Variants in ZNRF1 observed in about 807,000 individuals in gnomAD.
The protein encoded by ZNRF1 is E3 ubiquitin-protein ligase ZNRF1.
ZNRF1 carries 3 observed loss-of-function variants against 18.4 expected under a neutral mutation model. The observed-to-expected ratio is 0.16, with a 90% CI of 0.07 to 0.42. ZNRF1 has a LOEUF of 0.42. Among genes scored for constraint, ZNRF1 ranks in the 10% least tolerant of loss-of-function variants. The pLI, the probability that ZNRF1 is intolerant of heterozygous loss-of-function variation, is 0.99. For missense variants in ZNRF1, 310 were observed against 329.8 expected, an observed-to-expected ratio of 0.94 and a Z score of 0.47; for synonymous variants, 157 against 144.2, an observed-to-expected ratio of 1.09 and a Z score of -0.64.
chr16:75,011,921 T>G (rs887397115), intron 1 of ZNRF1, among the ~76,000 whole-genome samples: 1 of 152,252 alleles, frequency 6.6e-6, no homozygotes, highest in African/African-American at 2.4e-5. Flanking sequence ...CTGTTCTGTT[T>G]TGCTGTGGCT....
Position 74,999,668 on chromosome 16 carries a change from G to T in ZNRF1, c.-4G>T. ...GTTCCCGCCCCACCGGGGCCCGGGC[G>T]AGCATGGGGGGCAAGCAGAGCACGG... On this transcript the variant is annotated 5_prime_UTR_variant, in exon 1 of 5. Transcript: ENST00000335325. 3.0e-6 allele frequency: 4 copies of T among 1,334,970 alleles called. No individual in the cohort carries two copies. Among genetic ancestry groups the T allele is most frequent in the Non-Finnish European group, 3.8e-6 (4 of 1,049,052 alleles). The allele number at this position is 1,334,970 out of a possible 1,614,324, so 82.7% of individuals were successfully genotyped here. A position where few individuals can be genotyped will look rare whatever the true frequency, so the allele number is the denominator to read the frequency against.
At chr16:75,057,790 A>C (rs1360649377) in intron 1 of ZNRF1, among the ~76,000 whole-genome samples, 3 of 152,126 alleles carry the variant, frequency 2.0e-5, no homozygotes, top group African/African-American at 4.8e-5. Flanking sequence ...ACAGGTGTGC[A>C]CTACCACACC....
intron 1 of ZNRF1, among the ~76,000 whole-genome samples, chr16:75,025,471 G>C (rs1420460240): frequency 6.6e-6 from 1 of 152,036 alleles, no homozygotes; most frequent in Non-Finnish European, 1.5e-5. Context: ...CCAAAATTGT[G>C]CCCCAAAATG....
Position 74,999,302 on chromosome 16 carries a change from CCCCGCGCCCG to C in ZNRF1, c.-364_-355del, listed in dbSNP as rs1182351525. 6.7e-6 allele frequency: 1 copy of C among 150,092 alleles called. No homozygotes were observed. The highest frequency in any genetic ancestry group is 2.4e-5 in the African/African-American group (1 of 41,082). 9.3% of individuals were successfully genotyped at this position (150,092 alleles called of 1,614,324 possible). A position where few individuals can be genotyped will look rare whatever the true frequency, so the allele number is the denominator to read the frequency against. ...GGGCGGGCGGCCTCCTCCGGCGCCT[CCCCGCGCCCG>C]CCCGCCGCTCGCCGCCGCCTCCCTC... On this transcript the variant is annotated 5_prime_UTR_variant, in exon 1 of 5. Coordinates refer to ENST00000335325, the MANE Select transcript of ZNRF1 (RefSeq NM_032268.5).
In ZNRF1 at chr16:75,050,894, A is replaced by C. The variant is rs907402358; in HGVS notation, c.425-42678A>C. On this transcript the variant is annotated intron_variant, in intron 1 of 4. Coordinates refer to ENST00000335325, the MANE Select transcript of ZNRF1 (RefSeq NM_032268.5). ...TCAAAAAAAAAAAAAAAAAACAAAA[A>C]AAAACAAAAAACTTGTAGCCAGGTA... 5.2e-4 allele frequency among the ~76,000 whole-genome samples: 63 copies of C among 120,496 alleles called. 4 individuals are homozygous for C. Among genetic ancestry groups the C allele is most frequent in the African/African-American group, 1.8e-3 (51 of 27,880 alleles). 79.1% of individuals were successfully genotyped at this position (120,496 alleles called of 152,430 possible).
intron 1 of ZNRF1, among the ~76,000 whole-genome samples, chr16:75,020,854 T>C (rs2035137670): frequency 6.6e-6 from 1 of 152,038 alleles, no homozygotes. Flanking sequence ...TTCAGTCTTT[T>C]CTTAGAAAGG....
intron 1 of ZNRF1, among the ~76,000 whole-genome samples, chr16:75,041,008 T>G (rs532209557): frequency 1.3e-5 from 2 of 152,310 alleles, no homozygotes; most frequent in South Asian, 4.1e-4. Flanking sequence ...TTATATGAAT[T>G]TACCACAGTC....
At chr16:75,006,211 G>C (rs987864679) in intron 1 of ZNRF1, among the ~76,000 whole-genome samples, 3 of 152,132 alleles carry the variant, frequency 2.0e-5, no homozygotes, top group African/African-American at 7.2e-5. Context: ...CCTTGGACAA[G>C]GGGTACTGCT....
intron 1 of ZNRF1, among the ~76,000 whole-genome samples, chr16:75,049,366 T>A (rs34038900): frequency 0.38 from 57,743 of 151,854 alleles, 13,179 homozygotes; most frequent in Non-Finnish European, 0.51. Context: ...CTCGCTCTGT[T>A]GCCCAGGCTG....
At position 74,999,569 on chromosome 16, in the gene ZNRF1, T is replaced by A; in HGVS notation, c.-103T>A. 1 of 869,730 alleles carries A rather than the reference T, an allele frequency of 1.1e-6. No individual in the cohort carries two copies. Among genetic ancestry groups the A allele is most frequent in the Non-Finnish European group, 1.5e-6 (1 of 649,330 alleles). The allele number at this position is 869,730 out of a possible 1,614,324, so 53.9% of individuals were successfully genotyped here. ...CTTTTCTCCCTCCGGGTCTCCTTTT[T>A]GACTCCCTCCCCCTTTATGCTCGCC... On this transcript the variant is annotated 5_prime_UTR_variant, in exon 1 of 5. Transcript: ENST00000335325.
At chr16:75,029,123 T>C (rs942734614) in intron 1 of ZNRF1, among the ~76,000 whole-genome samples, 3 of 150,724 alleles carry the variant, frequency 2.0e-5, no homozygotes, top group Non-Finnish European at 4.4e-5. Context: ...AGTCTTGACT[T>C]TTTTATTATT....
At chr16:75,012,641 G>T (rs2035013532) in intron 1 of ZNRF1, among the ~76,000 whole-genome samples, 1 of 152,188 alleles carries the variant, frequency 6.6e-6, no homozygotes, top group Non-Finnish European at 1.5e-5. Context: ...GAACAAGCCA[G>T]AATTATGATA....
intron 1 of ZNRF1, among the ~76,000 whole-genome samples, chr16:75,055,101 C>T (rs1030040675): frequency 2.6e-5 from 4 of 152,154 alleles, no homozygotes; most frequent in African/African-American, 4.8e-5. Flanking sequence ...GCTTTCCTCT[C>T]CCAACAAGCA....
intron 1 of ZNRF1, among the ~76,000 whole-genome samples, chr16:75,023,796 G>A (rs1299391226): frequency 6.6e-6 from 1 of 152,026 alleles, no homozygotes; most frequent in Non-Finnish European, 1.5e-5. Context: ...GGCCATGGCT[G>A]ACACTGTTAT....
intron 1 of ZNRF1, among the ~76,000 whole-genome samples, chr16:75,085,636 T>C (rs2036063191): frequency 1.3e-5 from 2 of 152,216 alleles, no homozygotes; most frequent in Non-Finnish European, 2.9e-5. Context: ...TGTGTCATTT[T>C]ATATTCCCTC....
intron 1 of ZNRF1, among the ~76,000 whole-genome samples, chr16:75,006,735 C>T (rs2034923319): frequency 6.6e-6 from 1 of 152,206 alleles, no homozygotes; most frequent in African/African-American, 2.4e-5. Flanking sequence ...CGTGCCTGGC[C>T]ACCTCAGTCT....
intron 1 of ZNRF1, among the ~76,000 whole-genome samples, chr16:75,066,625 C>A (rs767265595): frequency 1.4e-4 from 21 of 152,290 alleles, no homozygotes; most frequent in Middle Eastern, 3.4e-3. Context: ...GTCTCAGCCT[C>A]CTGAGTAGTT....
intron 2 of ZNRF1, chr16:75,095,789 G>T: frequency 6.8e-7 from 1 of 1,469,944 alleles, no homozygotes; most frequent in African/African-American, 1.4e-5. Flanking sequence ...AACTGCCTGG[G>T]ACGCCACCAT....
At chr16:75,028,401 C>G (rs535889332) in intron 1 of ZNRF1, among the ~76,000 whole-genome samples, 1 of 152,192 alleles carries the variant, frequency 6.6e-6, no homozygotes, top group Non-Finnish European at 1.5e-5. Context: ...TCAAGTGATT[C>G]TCCTGCCTCA....
Sources: allele counts gnomAD v4.1 joint callset (sites outside exome capture counted in the v4.1 genomes callset), GRCh38; gene constraint gnomAD v4.1.1; transcripts MANE v1.5; gene names NCBI Gene and HGNC (gene_info 2026-07-23, HGNC 2026-07-21).